ALCAM: variants seen among roughly 807,000 people sequenced by gnomAD.
The protein encoded by ALCAM is activated leukocyte cell adhesion molecule.
ALCAM carries 30 observed loss-of-function variants against 70.9 expected under a neutral mutation model. The observed-to-expected ratio is 0.42, with a 90% CI of 0.32 to 0.57. ALCAM has a LOEUF of 0.57. Among genes scored for constraint, ALCAM ranks in the 20% least tolerant of loss-of-function variants. The probability of loss-of-function intolerance (pLI) is 0.11; values close to 1 mark genes in which losing one functional copy is unlikely to be tolerated. For synonymous variants in ALCAM, 249 were observed against 242.5 expected (o/e 1.03, Z -0.25); for missense variants, 591 against 695.1 (o/e 0.85, Z 1.68).
At chr3:105,522,341 G>T (rs190506683) in intron 2 of ALCAM, among the ~76,000 whole-genome samples, 2 of 151,822 alleles carry the variant, frequency 1.3e-5, no homozygotes, top group Non-Finnish European at 2.9e-5. Context: ...TAAGCAAAAG[G>T]CTTCAGCAAT....
intron 1 of ALCAM, among the ~76,000 whole-genome samples, chr3:105,475,796 T>C (rs1357794477): frequency 2.0e-5 from 3 of 151,944 alleles, no homozygotes; most frequent in Non-Finnish European, 2.9e-5. Context: ...GTGTACACCC[T>C]TTCCCTCTGA....
Position 105,367,276 on chromosome 3 carries a change from G to A in ALCAM, c.-133G>A, listed in dbSNP as rs1404668842. 10 of 815,582 alleles carry A rather than the reference G, an allele frequency of 1.2e-5. No individual in the cohort carries two copies. The highest frequency in any genetic ancestry group is 1.8e-5 in the Non-Finnish European group (9 of 505,252). The allele number at this position is 815,582 out of a possible 1,614,324, so 50.5% of individuals were successfully genotyped here. A position where few individuals can be genotyped will look rare whatever the true frequency, so the allele number is the denominator to read the frequency against. On this transcript the variant is annotated 5_prime_UTR_variant, in exon 1 of 16. Transcript: ENST00000306107. ...CCGAAGGTGCAGCGCCACAGCCCAG[G>A]GGACGGTGTGTCTGGGAGAAGACGC...
chr3:105,383,764 G>A (rs1360187363), intron 1 of ALCAM, among the ~76,000 whole-genome samples: 1 of 151,654 alleles, frequency 6.6e-6, no homozygotes. Context: ...ATCATCCTGA[G>A]AATTATAGAA....
At chr3:105,518,525 T>C (rs561737403) in intron 1 of ALCAM, among the ~76,000 whole-genome samples, 10 of 152,238 alleles carry the variant, frequency 6.6e-5, no homozygotes, top group African/African-American at 2.2e-4. Context: ...TCTGCATGTC[T>C]GCAGCCACCT....
intron 1 of ALCAM, among the ~76,000 whole-genome samples, chr3:105,454,369 G>A (rs902604411): frequency 9.9e-5 from 15 of 152,174 alleles, no homozygotes; most frequent in African/African-American, 3.4e-4. Context: ...GTACTAGGAA[G>A]TACAAGTGTA....
At chr3:105,448,794 G>A (rs985246406) in intron 1 of ALCAM, among the ~76,000 whole-genome samples, 1 of 152,172 alleles carries the variant, frequency 6.6e-6, no homozygotes, top group Admixed American at 6.5e-5. Context: ...GGACAAGAGG[G>A]TGACAGACAT....
At chr3:105,465,401 G>A (rs1395007676) in intron 1 of ALCAM, among the ~76,000 whole-genome samples, 1 of 151,462 alleles carries the variant, frequency 6.6e-6, no homozygotes, top group Non-Finnish European at 1.5e-5. Context: ...GGCAAGATGG[G>A]TTCAGCAGAA....
intron 1 of ALCAM, among the ~76,000 whole-genome samples, chr3:105,490,146 C>G (rs1264351962): frequency 6.6e-6 from 1 of 152,174 alleles, no homozygotes; most frequent in Non-Finnish European, 1.5e-5. Context: ...AGAAGTTTTT[C>G]TTTGTTGAGA....
chr3:105,471,561 G>A (rs925928751), intron 1 of ALCAM, among the ~76,000 whole-genome samples: 1 of 151,240 alleles, frequency 6.6e-6, no homozygotes, highest in Non-Finnish European at 1.5e-5. Context: ...TGGTGCTGGA[G>A]CTGATCAGCT....
intron 1 of ALCAM, among the ~76,000 whole-genome samples, chr3:105,434,213 C>A (rs1156670408): frequency 1.3e-5 from 2 of 152,100 alleles, no homozygotes; most frequent in African/African-American, 4.8e-5. Flanking sequence ...AGCTTTTCAT[C>A]CAAGAACTTC....
intron 1 of ALCAM, among the ~76,000 whole-genome samples, chr3:105,514,330 G>C (rs1422537764): frequency 1.3e-5 from 2 of 151,942 alleles, no homozygotes; most frequent in African/African-American, 4.8e-5. Flanking sequence ...GAACAGAGTA[G>C]ATGGGGCCAA....
chr3:105,459,961 A>G lies in ALCAM; in HGVS notation c.74-60106A>G, dbSNP rs193226469. Among the ~76,000 whole-genome samples, 85 of 152,200 alleles carry G rather than the reference A, an allele frequency of 5.6e-4. 1 individual carries two copies. The highest frequency in any genetic ancestry group is 3.4e-3 in the Middle Eastern group (1 of 294). ...GTAGAAGTACCATAGAAATAAAAAA[A>G]TAAATTGGATTTTTTGATGACAAAA... On this transcript the variant is annotated intron_variant, in intron 1 of 15. Coordinates refer to ENST00000306107, the MANE Select transcript of ALCAM (RefSeq NM_001627.4).
At chr3:105,389,867 A>G (rs372025721) in intron 1 of ALCAM, among the ~76,000 whole-genome samples, 36 of 151,418 alleles carry the variant, frequency 2.4e-4, no homozygotes, top group African/African-American at 8.7e-4. Flanking sequence ...TTACTTTCCT[A>G]AGGATAATGG....
chr3:105,441,747 T>A (rs1159364401), intron 1 of ALCAM, among the ~76,000 whole-genome samples: 2 of 152,204 alleles, frequency 1.3e-5, no homozygotes, highest in African/African-American at 4.8e-5. Flanking sequence ...ACTCCAATCC[T>A]GTTTATAAGT....
In ALCAM at chr3:105,541,735, A is replaced by T; in HGVS notation, c.961A>T (p.Met321Leu). ...YKCSLIDKKSMIASTAITVHY... is the reference protein window; with the variant it reads ...YKCSLIDKKSLIASTAITVHY... ...GTGTTCCCTGATAGACAAAAAAAGC[A>T]TGATTGCTTCAACAGCTATCACAGT... The change falls in exon 8 of 16, where the codon ATG becomes TTG. Residue 321 changes from methionine to leucine, a missense_variant. Met to Leu is a conservative substitution (Grantham distance 15). This residue lies in a region of ALCAM where 427 missense variants were observed against 450.4 expected (regional missense o/e 0.95). Coordinates refer to ENST00000306107, the MANE Select transcript of ALCAM (RefSeq NM_001627.4). 1 of 1,612,328 alleles carries T rather than the reference A, an allele frequency of 6.2e-7. No individual in the cohort carries two copies. The highest frequency in any genetic ancestry group is 2.2e-5 in the East Asian group (1 of 44,818).
intron 4 of ALCAM, among the ~76,000 whole-genome samples, chr3:105,533,314 C>G (rs1442816836): frequency 1.3e-5 from 2 of 152,008 alleles, no homozygotes; most frequent in Non-Finnish European, 2.9e-5. Context: ...TGAATAGTGT[C>G]AAAATGAATT....
chr3:105,492,597 T>C (rs189128481), intron 1 of ALCAM, among the ~76,000 whole-genome samples: 63 of 152,334 alleles, frequency 4.1e-4, no homozygotes, highest in Admixed American at 5.9e-4. Context: ...GGTATATGGA[T>C]AGACTATAAC....
chr3:105,420,998 G>A (rs1395503246), intron 1 of ALCAM, among the ~76,000 whole-genome samples: 2 of 151,122 alleles, frequency 1.3e-5, no homozygotes, highest in South Asian at 4.2e-4. Context: ...TTAACTCCGG[G>A]GCAACTTTTT....
At chr3:105,572,054 A>G (rs1940870085) in intron 15 of ALCAM, 90 bp downstream of exon 15, 9 of 697,830 alleles carry the variant, frequency 1.3e-5, no homozygotes, top group Non-Finnish European at 1.9e-5. Flanking sequence ...AAGATGCTCC[A>G]TAATTACAGC....
Sources: gnomAD v4.1 joint callset for allele counts (sites outside exome capture counted in the v4.1 genomes callset) on GRCh38, gnomAD v4.1.1 for gene constraint, gnomAD v4.1.1 regional missense constraint, MANE v1.5 for transcripts, NCBI Gene and HGNC (gene_info 2026-07-23, HGNC 2026-07-21) for gene names.